The following NTN4 variants were observed in gnomAD, a reference collection of about 807,000 sequenced individuals.
NTN4 encodes netrin-4.
Under a neutral mutation model 73.6 loss-of-function variants are expected in NTN4, and 32 were observed. The ratio of observed to expected loss-of-function variants is 0.44; its 90% confidence interval spans 0.33 to 0.58. The LOEUF is 0.58. NTN4 is among the 20% of genes least tolerant of loss of function. The probability of loss-of-function intolerance (pLI) is 0.04; values close to 1 mark genes in which losing one functional copy is unlikely to be tolerated. For synonymous variants in NTN4, 258 were observed against 287.5 expected, an observed-to-expected ratio of 0.90 and a Z score of 1.04; for missense variants, 654 against 798.3, an observed-to-expected ratio of 0.82 and a Z score of 2.18.
At chr12:95,709,254 C>A (rs1027793837) in intron 5 of NTN4, among the ~76,000 whole-genome samples, 2 of 152,068 alleles carry the variant, frequency 1.3e-5, no homozygotes, top group Non-Finnish European at 2.9e-5. Context: ...AACATGGAGT[C>A]CTTGGTAGGG....
chr12:95,783,097 G>A (rs932571985), intron 2 of NTN4, among the ~76,000 whole-genome samples: 2 of 152,200 alleles, frequency 1.3e-5, no homozygotes, highest in African/African-American at 2.4e-5. Context: ...AGGAGGCTAA[G>A]CTCCCAATGG....
chr12:95,668,967 T>C lies in NTN4; in HGVS notation c.1579+1111A>G, dbSNP rs567647527. Among the ~76,000 whole-genome samples the C allele has an allele frequency of 6.6e-5, 10 of 152,268 alleles. No homozygotes were observed. In the South Asian group the frequency reaches 2.1e-3, roughly 32 times the overall value. ...GGGATAACCCTGTCTCTACTAAAAA[T>C]ACAAAAATTAGCCGGGCATGGTGGC... On this transcript the variant is annotated intron_variant, in intron 8 of 9. Coordinates refer to ENST00000343702, the MANE Select transcript of NTN4 (RefSeq NM_021229.4).
chr12:95,668,796 C>A (rs2078203067), intron 8 of NTN4, among the ~76,000 whole-genome samples: 1 of 151,404 alleles, frequency 6.6e-6, no homozygotes, highest in Non-Finnish European at 1.5e-5. Context: ...CCAAAACCAG[C>A]CTGGCCAACA....
intron 9 of NTN4, among the ~76,000 whole-genome samples, chr12:95,660,694 A>G (rs1281430888): frequency 6.6e-6 from 1 of 152,160 alleles, no homozygotes; most frequent in Non-Finnish European, 1.5e-5. Context: ...TAAAATAATT[A>G]TGTTTATAAA....
chr12:95,664,147 C>T (rs4762597), intron 9 of NTN4, among the ~76,000 whole-genome samples: 63,876 of 151,792 alleles, frequency 0.42, 13,626 homozygotes, highest in Admixed American at 0.48. Context: ...TTGACCTCCC[C>T]GGCTCAAGTG....
intron 5 of NTN4, among the ~76,000 whole-genome samples, chr12:95,702,098 A>AG (rs2078489097): frequency 6.6e-6 from 1 of 151,786 alleles, no homozygotes; most frequent in Non-Finnish European, 1.5e-5. Flanking sequence ...TGGCCAACAT[A>AG]GGGAAACCCC....
chr12:95,694,919 G>A (rs1399064595), intron 5 of NTN4, among the ~76,000 whole-genome samples: 1 of 152,150 alleles, frequency 6.6e-6, no homozygotes, highest in Non-Finnish European at 1.5e-5. Flanking sequence ...CTTGAGGCCA[G>A]GAGTTCAAGA....
At chr12:95,744,910 G>A (rs1477943233) in intron 2 of NTN4, among the ~76,000 whole-genome samples, 2 of 120,756 alleles carry the variant, frequency 1.7e-5, no homozygotes, top group Non-Finnish European at 3.5e-5. Context: ...AATATTTTTT[G>A]CTGGGTATAG....
chr12:95,754,842 G>A lies in NTN4; in HGVS notation c.586-16698C>T, dbSNP rs374377275. On this transcript the variant is annotated intron_variant, in intron 2 of 9. Transcript: ENST00000343702. ...CCCAGGTGAAATAAACAGCCATGTT[G>A]CTCACACAAAGCCTGTTTGGTGGTC... Among the ~76,000 whole-genome samples, 53 of 152,292 alleles carry A rather than the reference G, an allele frequency of 3.5e-4. No homozygotes were observed. The East Asian group carries it at 6.2e-3, about 18-fold the overall frequency.
intron 2 of NTN4, among the ~76,000 whole-genome samples, chr12:95,752,604 C>A (rs1214634342): frequency 6.6e-6 from 1 of 152,098 alleles, no homozygotes; most frequent in African/African-American, 2.4e-5. Context: ...CGGCATAATT[C>A]TCATAAAAAC....
intron 3 of NTN4, among the ~76,000 whole-genome samples, chr12:95,727,527 C>T (rs1275339126): frequency 1.1e-4 from 16 of 152,118 alleles, no homozygotes. Context: ...AGATCTACAC[C>T]TATGTTTCTT....
chr12:95,751,516 T>A (rs2078907204), intron 2 of NTN4, among the ~76,000 whole-genome samples: 1 of 152,054 alleles, frequency 6.6e-6, no homozygotes, highest in Non-Finnish European at 1.5e-5. Flanking sequence ...CTAAGCCGCA[T>A]CCCATCTGTG....
chr12:95,672,652 G>A, intron 7 of NTN4: 1 of 1,502,560 alleles, frequency 6.7e-7, no homozygotes, highest in Non-Finnish European at 9.2e-7. Flanking sequence ...AGATCTGGAG[G>A]TGCTCCTATG....
At position 95,670,130 on chromosome 12, in the gene NTN4, C is replaced by G; in HGVS notation, c.1527G>C (p.Lys509Asn). The G allele has an allele frequency of 6.3e-7, 1 of 1,591,648 alleles. No homozygotes were observed. ...CCTTGGCATTTCCTAATGTCTGTTC[C>G]TTACATTCGCATTTACCTATGGAAA... ...ALLHSGKCECKEQTLGNAKAF... is the reference protein window; with the variant it reads ...ALLHSGKCECNEQTLGNAKAF... The change falls in exon 8 of 10, where the codon AAG becomes AAC. Residue 509 changes from lysine (K) to asparagine (N), a missense_variant. By Grantham distance (94) the Lys-to-Asn change is moderately conservative. Transcript: ENST00000343702.
intron 1 of NTN4, among the ~76,000 whole-genome samples, chr12:95,788,591 C>T (rs917641188): frequency 2.6e-5 from 4 of 152,212 alleles, no homozygotes; most frequent in Non-Finnish European, 5.9e-5. Context: ...GCTTAAGAAG[C>T]AGTACCTCTG....
At chr12:95,667,276 G>C (rs969851663) in intron 8 of NTN4, among the ~76,000 whole-genome samples, 1 of 149,656 alleles carries the variant, frequency 6.7e-6, no homozygotes, top group African/African-American at 2.5e-5. Context: ...TGCAACCTCC[G>C]CCTCCGAGGT....
At chr12:95,744,350 A>G (rs1192731867) in intron 2 of NTN4, among the ~76,000 whole-genome samples, 1 of 152,178 alleles carries the variant, frequency 6.6e-6, no homozygotes, top group African/African-American at 2.4e-5. Flanking sequence ...AGTAGGGTAT[A>G]TCTTTTTTTA....
At chr12:95,764,079 AAAT>A (rs1347021738) in intron 2 of NTN4, among the ~76,000 whole-genome samples, 4 of 152,210 alleles carry the variant, frequency 2.6e-5, no homozygotes, top group Admixed American at 6.5e-5. Flanking sequence ...GTTCATAAGA[AAAT>A]AATATTTCTG....
chr12:95,773,093 T>C (rs2079068783), intron 2 of NTN4, among the ~76,000 whole-genome samples: 1 of 151,722 alleles, frequency 6.6e-6, no homozygotes, highest in South Asian at 2.1e-4. Context: ...ACCTCCGCCC[T>C]CCGGGGTTCA....
Sources: allele counts gnomAD v4.1 joint callset (sites outside exome capture counted in the v4.1 genomes callset), GRCh38; gene constraint gnomAD v4.1.1; transcripts MANE v1.5; gene names NCBI Gene and HGNC (gene_info 2026-07-23, HGNC 2026-07-21).